TMEM114: variants seen among roughly 807,000 people sequenced by gnomAD.
TMEM114 encodes transmembrane protein 114.
A neutral mutation model predicts 6.2 loss-of-function variants in TMEM114; 6 were observed. That is an observed-to-expected ratio of 0.97 (90% CI 0.53 to 1.91). The LOEUF is 1.91. Among genes scored for constraint, TMEM114 ranks in the 40% most tolerant of loss-of-function variants. The pLI is 0.01. For missense variants in TMEM114, 218 were observed against 158.3 expected (o/e 1.38, Z -2.02); for synonymous variants, 104 against 73.0 (o/e 1.42, Z -2.16).
chr16:8,548,988 C>G (rs1226845594), intron 2 of TMEM114, among the ~76,000 whole-genome samples: 1 of 151,720 alleles, frequency 6.6e-6, no homozygotes, highest in Non-Finnish European at 1.5e-5. Context: ...CAAGACCATC[C>G]TGGCTAACAC....
chr16:8,566,233 G>A (rs553813132), downstream of TMEM114, among the ~76,000 whole-genome samples: 2 of 152,234 alleles, frequency 1.3e-5, no homozygotes, highest in South Asian at 4.2e-4. Context: ...AGCCAGGCAT[G>A]GTGCATGGTG....
chr16:8,527,675 T>A, the TMEM114 span, among the ~76,000 whole-genome samples: 1 of 152,190 alleles, frequency 6.6e-6, no homozygotes, highest in Non-Finnish European at 1.5e-5. Flanking sequence ...GTGGTAGTTT[T>A]GGGCCCCACT....
chr16:8,566,163 G>T (rs779443415), downstream of TMEM114, among the ~76,000 whole-genome samples: 1 of 152,176 alleles, frequency 6.6e-6, no homozygotes, highest in Non-Finnish European at 1.5e-5. Flanking sequence ...GAGCTCAGGA[G>T]ATCGAGACCA....
chr16:8,549,249 T>C (rs982352871), intron 2 of TMEM114, among the ~76,000 whole-genome samples: 15 of 142,104 alleles, frequency 1.1e-4, no homozygotes, highest in African/African-American at 3.7e-4. Context: ...CCTATAATCC[T>C]AGCACTTTGG....
the TMEM114 span, among the ~76,000 whole-genome samples, chr16:8,529,364 A>C: frequency 1.3e-5 from 2 of 152,206 alleles, no homozygotes; most frequent in South Asian, 2.1e-4. Context: ...TCTCATGTGC[A>C]GTTAACCCAT....
At chr16:8,530,898 G>T in the TMEM114 span, among the ~76,000 whole-genome samples, 11 of 152,136 alleles carry the variant, frequency 7.2e-5, no homozygotes, top group Admixed American at 1.3e-4. Context: ...GGTGGCATAC[G>T]CATATAATCC....
At chr16:8,587,051 G>A (rs1445320702) in intron 2 of TMEM114, among the ~76,000 whole-genome samples, 1 of 152,088 alleles carries the variant, frequency 6.6e-6, no homozygotes, top group Non-Finnish European at 1.5e-5. Context: ...ACATCATGTT[G>A]GTGTCTTGAA....
intron 2 of TMEM114, among the ~76,000 whole-genome samples, chr16:8,558,392 C>G (rs550162323): frequency 1.3e-5 from 2 of 152,302 alleles, no homozygotes; most frequent in African/African-American, 2.4e-5. Context: ...CAGCATCTCT[C>G]CAACCCCTGC....
chr16:8,566,902 T>TC (rs1001350566), downstream of TMEM114, among the ~76,000 whole-genome samples: 1 of 144,930 alleles, frequency 6.9e-6, no homozygotes, highest in Non-Finnish European at 1.5e-5. Flanking sequence ...CCCTGGTTTT[T>TC]TTTTTTTTTT....
the TMEM114 span, among the ~76,000 whole-genome samples, chr16:8,530,065 T>G: frequency 3.3e-5 from 5 of 152,232 alleles, no homozygotes; most frequent in Non-Finnish European, 7.3e-5. Context: ...CTGGTCCCAG[T>G]TGCCTTGAGA....
chr16:8,560,246 TC>T (rs1201996311), intron 2 of TMEM114, among the ~76,000 whole-genome samples: 4 of 151,864 alleles, frequency 2.6e-5, no homozygotes, highest in Admixed American at 2.6e-4. Context: ...GATCCTCCTG[TC>T]TTGGCCTTCT....
At chr16:8,535,149 A>T (rs878893470), downstream of TMEM114, among the ~76,000 whole-genome samples, 1 of 152,198 alleles carries the variant, frequency 6.6e-6, no homozygotes, top group African/African-American at 2.4e-5. Context: ...CCCATCAATA[A>T]ACAGGGGCAT....
intron 2 of TMEM114, among the ~76,000 whole-genome samples, chr16:8,541,323 C>G (rs923383881): frequency 6.6e-6 from 1 of 152,064 alleles, no homozygotes; most frequent in African/African-American, 2.4e-5. Context: ...ATTTGTCATA[C>G]AAATGAGGAC....
At chr16:8,561,539 T>A (rs1285985382) in intron 2 of TMEM114, among the ~76,000 whole-genome samples, 1 of 152,218 alleles carries the variant, frequency 6.6e-6, no homozygotes, top group Non-Finnish European at 1.5e-5. Context: ...TCCTTGGTGT[T>A]TCAAACAGCA....
At chr16:8,585,200 G>A (rs1253594962) in intron 2 of TMEM114, among the ~76,000 whole-genome samples, 1 of 152,100 alleles carries the variant, frequency 6.6e-6, no homozygotes, top group Non-Finnish European at 1.5e-5. Context: ...GGAAAGACCT[G>A]CCCCAATGAT....
the TMEM114 span, among the ~76,000 whole-genome samples, chr16:8,532,603 A>G: frequency 1.2e-4 from 18 of 152,348 alleles, no homozygotes; most frequent in Admixed American, 6.5e-4. Context: ...TGCTCAACCT[A>G]CAACCTGAAT....
At chr16:8,540,351 G>A (rs1182449511) in intron 2 of TMEM114, among the ~76,000 whole-genome samples, 1 of 152,100 alleles carries the variant, frequency 6.6e-6, no homozygotes, top group Non-Finnish European at 1.5e-5. Context: ...CCAGCTGATC[G>A]CTCGCCTGCT....
intron 2 of TMEM114, among the ~76,000 whole-genome samples, chr16:8,552,183 TG>T (rs1305172839): frequency 8.0e-5 from 12 of 149,264 alleles, no homozygotes; most frequent in African/African-American, 3.0e-4. Flanking sequence ...GAGACCAGCC[TG>T]GGCAACACAG....
chr16:8,542,146 G>C (rs927800162), intron 2 of TMEM114, among the ~76,000 whole-genome samples: 2 of 151,846 alleles, frequency 1.3e-5, no homozygotes, highest in Non-Finnish European at 2.9e-5. Flanking sequence ...GATTCGTGGG[G>C]GGGGGTCCCT....
Sources: gnomAD v4.1 joint callset for allele counts (sites outside exome capture counted in the v4.1 genomes callset) on GRCh38, gnomAD v4.1.1 for gene constraint, MANE v1.5 for transcripts, NCBI Gene and HGNC (gene_info 2026-07-23, HGNC 2026-07-21) for gene names.